NCAN: variants seen among roughly 807,000 people sequenced by gnomAD.
NCAN encodes neurocan core protein.
NCAN carries 47 observed loss-of-function variants against 121.8 expected under a neutral mutation model. The observed-to-expected ratio is 0.39, with a 90% confidence interval of 0.31 to 0.49. NCAN has a LOEUF of 0.49. Ranked by LOEUF, NCAN falls within the 20% of genes least tolerant of loss-of-function variation. NCAN has a pLI of 0.92. For missense variants in NCAN, 1,517 were observed against 1,773.4 expected (o/e 0.86, Z 2.60); for synonymous variants, 633 against 702.0 (o/e 0.90, Z 1.55).
chr19:19,225,014 A>G lies in NCAN; in HGVS notation c.816A>G (p.Thr272=). 6.8e-7 allele frequency: 1 copy of G among 1,477,460 alleles called. No individual in the cohort carries two copies. The highest frequency in any genetic ancestry group is 2.4e-5 in the Admixed American group (1 of 41,998). The allele number at this position is 1,477,460 out of a possible 1,614,324, so 91.5% of individuals were successfully genotyped here. ...VFYVGPARRL[T]LAGARAQCRR... ...ACGTGGGCCCGGCCCGCCGCCTGAC[A>G]CTGGCCGGCGCGCGTGCACAGTGCC... Residue 272 remains threonine (T), a synonymous_variant, in exon 6 of 15, where the codon ACA becomes ACG. Coordinates refer to ENST00000252575, the MANE Select transcript of NCAN (RefSeq NM_004386.3). This position sits in a 1 kb window ranked among gnomAD's most constrained non-coding sequence, Gnocchi z 4.0.
In NCAN at chr19:19,212,482, A is replaced by G. The variant is rs551861658; in HGVS notation, c.-8+418A>G. 6.1e-4 allele frequency among the ~76,000 whole-genome samples: 92 copies of G among 151,212 alleles called. No individual in the cohort carries two copies. Among genetic ancestry groups the G allele is most frequent in the African/African-American group, 1.9e-3 (78 of 41,114 alleles). On this transcript the variant is annotated intron_variant, in intron 1 of 14. Transcript: ENST00000252575. This position sits in a 1 kb window ranked among gnomAD's most constrained non-coding sequence, Gnocchi z 4.5. ...GCCGAGACACCCCAGGATTTTAAGT[A>G]GGGATTCCCAATTTGCGGTTGAATG...
intron 9 of NCAN, 73 bp downstream of exon 9, chr19:19,233,978 C>T (rs1472362595): frequency 6.4e-6 from 6 of 942,340 alleles, no homozygotes; most frequent in Non-Finnish European, 1.0e-5. Context: ...CTCCAGCAGC[C>T]ATGCCCTCAG....
rs1780054706 is a variant in NCAN, at chr19:19,228,381, A to C, written c.2761A>C (p.Ser921Arg). 9 of 1,613,834 alleles carry C rather than the reference A, an allele frequency of 5.6e-6. No homozygotes were observed. The highest frequency in any genetic ancestry group is 7.6e-6 in the Non-Finnish European group (9 of 1,180,020). Residue 921 changes from serine (S) to arginine (R), a missense_variant, in exon 8 of 15, where the codon AGT becomes CGT. Coordinates refer to ENST00000252575, the MANE Select transcript of NCAN (RefSeq NM_004386.3). ...AGCTTCAGTGCCTCCGCATCAGAGC[A>C]GTCCCCTAGGGAAACCGGCTGTTCC... ...SGASVPPHQS[S>R]PLGKPAVPPG...
chr19:19,250,241 G>A lies in NCAN; in HGVS notation c.*330G>A, dbSNP rs762834214. The stretch of plus-strand genomic sequence containing the variant: ...GGCTGATTGAAGCAGGCCTTGATGA[G>A]GGTGCATGAGTGTATGTTTGCATTC... On this transcript the variant is annotated 3_prime_UTR_variant, in exon 15 of 15. Coordinates refer to ENST00000252575, the MANE Select transcript of NCAN (RefSeq NM_004386.3). 7.9e-6 allele frequency: 4 copies of A among 504,810 alleles called. No individual in the cohort carries two copies. Among genetic ancestry groups the A allele is most frequent in the Non-Finnish European group, 1.5e-5 (4 of 263,914 alleles). 31.3% of individuals were successfully genotyped at this position (504,810 alleles called of 1,614,324 possible). A position where few individuals can be genotyped will look rare whatever the true frequency, so the allele number is the denominator to read the frequency against.
intron 13 of NCAN, 152 bp downstream of exon 13, chr19:19,245,609 G>A (rs887359148): frequency 3.4e-6 from 3 of 870,324 alleles, no homozygotes; most frequent in African/African-American, 3.4e-5. Context: ...TCCCGAGTAG[G>A]TGGGACTATA....
rs1330219236 is a variant in NCAN, at chr19:19,227,779, A to T, written c.2159A>T (p.Glu720Val). Residue 720 changes from glutamate (E) to valine (V), a missense_variant, in exon 8 of 15, where the codon GAG (glutamate) becomes GTG (valine). Coordinates refer to ENST00000252575, the MANE Select transcript of NCAN (RefSeq NM_004386.3). The surrounding 1 kb of genome is among the most constrained non-coding windows in gnomAD (Gnocchi z 4.2). ...ETSPAQVNKAEHSSSSPWPSV... is the reference protein window; with the variant it reads ...ETSPAQVNKAVHSSSSPWPSV... ...AGCCCTGCTCAGGTCAACAAAGCTG[A>T]GCACTCCAGCTCCAGCCCATGGCCT... is the stretch of plus-strand genomic sequence containing the variant. 1 of 1,613,566 alleles carries T rather than the reference A, an allele frequency of 6.2e-7. No homozygotes were observed. The highest frequency in any genetic ancestry group is 8.5e-7 in the Non-Finnish European group (1 of 1,180,010).
In NCAN at chr19:19,238,378, G is replaced by T; in HGVS notation, c.3376G>T (p.Val1126Phe). ...CCGCCGCTCCGGCCACCTGACCAGC[G>T]TCCACTCACCGGAGGAACACAGCTT... ...CRRRSGHLTS[V>F]HSPEEHSFIN... is the part of the protein sequence containing the mutation. Residue 1126 changes from valine to phenylalanine, a missense_variant, in exon 11 of 15, where the codon GTC (valine) becomes TTC (phenylalanine). By Grantham distance (50) the Val-to-Phe change is conservative. Transcript: ENST00000252575. The T allele has an allele frequency of 6.2e-7, 1 of 1,614,184 alleles. No individual in the cohort carries two copies. The highest frequency in any genetic ancestry group is 8.5e-7 in the Non-Finnish European group (1 of 1,180,040).
rs2060899307 is a variant in NCAN at position 19,240,465 on chromosome 19, C to G, written c.3410-138C>G. ...CATTTCCACCTTCTAGATCTTTCCC[C>G]CCACCCAGCCCACCTCCAGGCTGGG... is the stretch of plus-strand genomic sequence containing the variant. On this transcript the variant is annotated intron_variant, in intron 11 of 14. Coordinates refer to ENST00000252575, the MANE Select transcript of NCAN (RefSeq NM_004386.3). 8 of 752,452 alleles carry G rather than the reference C, an allele frequency of 1.1e-5. No individual in the cohort carries two copies. In the South Asian group the frequency reaches 1.2e-4, roughly 12 times the overall value. The allele number at this position is 752,452 out of a possible 1,614,324, so 46.6% of individuals were successfully genotyped here. A position where few individuals can be genotyped will look rare whatever the true frequency, so the allele number is the denominator to read the frequency against.
chr19:19,235,190 GTT>G, intron 10 of NCAN, 94 bp downstream of exon 10: 2 of 679,942 alleles, frequency 2.9e-6, no homozygotes, highest in Non-Finnish European at 5.2e-6. Flanking sequence ...CCTGCCTCCA[GTT>G]CCATGGCTGT....
In NCAN at chr19:19,249,757, T is replaced by C. The variant is rs753005858; in HGVS notation, c.3821-9T>C. On this transcript the variant is annotated splice_polypyrimidine_tract_variant and intron_variant, in intron 14 of 14. Transcript: ENST00000252575. ...TGTCCCTTCCCTGTCCTCCCTCACTTCCCTGCAGCCAGACGTTCACATCGG... is the reference window on the plus strand; with the variant it reads ...TGTCCCTTCCCTGTCCTCCCTCACTCCCCTGCAGCCAGACGTTCACATCGG... 1.3e-6 allele frequency: 2 copies of C among 1,592,566 alleles called. No individual in the cohort carries two copies. Among genetic ancestry groups the C allele is most frequent in the African/African-American group, 1.4e-5 (1 of 73,434 alleles).
chr19:19,233,738 G>A, intron 8 of NCAN, 51 bp from the exon 9 acceptor site: 1 of 1,212,210 alleles, frequency 8.2e-7, no homozygotes, highest in Non-Finnish European at 1.2e-6. Context: ...TTCCAGGAAG[G>A]CAAAAGATCT....
At chr19:19,245,555 A>G (rs1054534804) in intron 13 of NCAN, 98 bp downstream of exon 13, 2 of 1,385,902 alleles carry the variant, frequency 1.4e-6, no homozygotes, top group Admixed American at 2.3e-5. Flanking sequence ...ATGGCTCATC[A>G]CAGCCTCCAC....
In NCAN at chr19:19,238,389, G is replaced by A. The variant is rs771758417; in HGVS notation, c.3387G>A (p.Pro1129=). Residue 1129 remains proline (P), a synonymous_variant, in exon 11 of 15, where the codon CCG becomes CCA. Transcript: ENST00000252575. ...RSGHLTSVHS[P]EEHSFINSFG... is the part of the protein sequence containing the mutation. ...GCCACCTGACCAGCGTCCACTCACC[G>A]GAGGAACACAGCTTCATTAATAGTA... The A allele has an allele frequency of 3.7e-6, 6 of 1,614,168 alleles. No individual in the cohort carries two copies. Among genetic ancestry groups the A allele is most frequent in the Admixed American group, 1.7e-5 (1 of 60,028 alleles).
rs1181221189 is a variant in NCAN at position 19,212,322 on chromosome 19, TG to T, written c.-8+263del. On this transcript the variant is annotated intron_variant, in intron 1 of 14. Coordinates refer to ENST00000252575, the MANE Select transcript of NCAN (RefSeq NM_004386.3). The surrounding 1 kb of genome is among the most constrained non-coding windows in gnomAD (Gnocchi z 4.5). ...CCCCCCGGTGGGGAGGGGGCCGGGC[TG>T]GGGGTGGGTCTCAGGGTTGAGGAGG... Among the ~76,000 whole-genome samples, 8 of 79,822 alleles carry T rather than the reference TG, an allele frequency of 1.0e-4. No homozygotes were observed. The highest frequency in any genetic ancestry group is 9.1e-4 in the Admixed American group (8 of 8,802). The allele number at this position is 79,822 out of a possible 152,430, so 52.4% of individuals were successfully genotyped here.
At chr19:19,223,395 T>C (rs1160819813) in intron 3 of NCAN, among the ~76,000 whole-genome samples, 1 of 152,182 alleles carries the variant, frequency 6.6e-6, no homozygotes, top group Non-Finnish European at 1.5e-5. Context: ...TTTCTGACCC[T>C]AAGTTTCCTC....
intron 5 of NCAN, 145 bp from the exon 6 acceptor site, chr19:19,224,832 C>A: frequency 1.5e-6 from 1 of 674,894 alleles, no homozygotes; most frequent in Non-Finnish European, 2.3e-6. Flanking sequence ...GATCCCGGAG[C>A]TGGACGCACA....
chr19:19,240,599 G>A lies in NCAN; in HGVS notation c.3410-4G>A, dbSNP rs750606287. On this transcript the variant is annotated splice_region_variant and splice_polypyrimidine_tract_variant and intron_variant, in intron 11 of 14. Coordinates refer to ENST00000252575, the MANE Select transcript of NCAN (RefSeq NM_004386.3). The stretch of plus-strand genomic sequence containing the variant: ...ACCCAGACCCACAACCCCCGACCCT[G>A]CAGGCTTTGGGCATGAAAACACGTG... 9 of 1,613,922 alleles carry A rather than the reference G, an allele frequency of 5.6e-6. No homozygotes were observed. In the South Asian group the frequency reaches 8.8e-5, roughly 16 times the overall value.
intron 8 of NCAN, chr19:19,232,751 T>C (rs990587554): frequency 6.6e-6 from 1 of 152,222 alleles, no homozygotes; most frequent in African/African-American, 2.4e-5. Flanking sequence ...TTCACTTTAA[T>C]TGATTTAAGC....
chr19:19,236,845 C>T (rs1459437601), intron 10 of NCAN, among the ~76,000 whole-genome samples: 2 of 151,954 alleles, frequency 1.3e-5, no homozygotes, highest in East Asian at 3.9e-4. Context: ...TCTCTTGCTT[C>T]AGCCTACCCA....
Sources: gnomAD v4.1 joint callset for allele counts (sites outside exome capture counted in the v4.1 genomes callset) on GRCh38, gnomAD v4.1.1 for gene constraint, Gnocchi (gnomAD v3.1) non-coding constraint, MANE v1.5 for transcripts, NCBI Gene and HGNC (gene_info 2026-07-23, HGNC 2026-07-21) for gene names.